The following IL6 variants were observed in gnomAD, a reference collection of about 807,000 sequenced individuals.
The protein encoded by IL6 is interleukin 6, also known as interleukin-6.
In IL6, 5 loss-of-function variants were observed where a neutral mutation model predicts 18.0. The observed-to-expected ratio is 0.28, with a 90% CI of 0.15 to 0.58. IL6 has a LOEUF of 0.58. Among genes scored for constraint, IL6 ranks in the 20% least tolerant of loss-of-function variants. The probability of loss-of-function intolerance (pLI) is 0.90; values close to 1 mark genes in which losing one functional copy is unlikely to be tolerated. For missense variants in IL6, 266 were observed against 251.0 expected (o/e 1.06, Z -0.40); for synonymous variants, 97 against 95.1 (o/e 1.02, Z -0.12).
In IL6 at chr7:22,729,600, G is replaced by C. The variant is rs764988588; in HGVS notation, c.411G>C (p.Glu137Asp). Residue 137 changes from glutamate to aspartate, a missense_variant, in exon 4 of 5, where the codon GAG becomes GAC. Glu to Asp is a conservative substitution (Grantham distance 45). Coordinates refer to ENST00000258743, the MANE Select transcript of IL6 (RefSeq NM_000600.5). ...EYLQNRFESS[E>D]EQARAVQMST... Reference sequence around the variant, plus strand: ...TCCAGAACAGATTTGAGAGTAGTGAGGAACAAGCCAGAGCTGTGCAGATGA... The same window carrying C: ...TCCAGAACAGATTTGAGAGTAGTGACGAACAAGCCAGAGCTGTGCAGATGA... 6.2e-7 allele frequency: 1 copy of C among 1,614,196 alleles called. No individual in the cohort carries two copies. Among genetic ancestry groups the C allele is most frequent in the Non-Finnish European group, 8.5e-7 (1 of 1,180,032 alleles).
At chr7:22,731,308 T>C in intron 4 of IL6, 98 bp from the exon 5 acceptor site, 1 of 945,860 alleles carries the variant, frequency 1.1e-6, no homozygotes, top group Non-Finnish European at 1.5e-6. Flanking sequence ...CACCCCACAT[T>C]TCACATTTGA....
Position 22,727,473 on chromosome 7 carries a change from G to A in IL6, c.49G>A (p.Gly17Arg). 1 of 1,614,030 alleles carries A rather than the reference G, an allele frequency of 6.2e-7. No homozygotes were observed. Among genetic ancestry groups the A allele is most frequent in the Non-Finnish European group, 8.5e-7 (1 of 1,179,940 alleles). ...CTTCGGTCCAGTTGCCTTCTCCCTG[G>A]GGCTGCTCCTGGTGTTGCCTGCTGC... is the stretch of plus-strand genomic sequence containing the variant. ...SAFGPVAFSLGLLLVLPAAFP... is the reference protein window; with the variant it reads ...SAFGPVAFSLRLLLVLPAAFP... The change falls in exon 2 of 5, where the codon GGG (glycine) becomes AGG (arginine). Residue 17 changes from glycine to arginine, a missense_variant. Coordinates refer to ENST00000258743, the MANE Select transcript of IL6 (RefSeq NM_000600.5).
At chr7:22,727,409 C>G (rs1416449097) in intron 1 of IL6, 35 bp from the exon 2 acceptor site, 20 of 1,613,300 alleles carry the variant, frequency 1.2e-5, no homozygotes, top group African/African-American at 2.7e-5. Flanking sequence ...GCTGTGCTGT[C>G]AGCTCACCCC....
At position 22,727,438 on chromosome 7, in the gene IL6, G is replaced by A. The variant is rs933482422; in HGVS notation, c.20-6G>A. The A allele has an allele frequency of 1.9e-6, 3 of 1,613,656 alleles. No homozygotes were observed. Among genetic ancestry groups the A allele is most frequent in the South Asian group, 1.1e-5 (1 of 91,066 alleles). On this transcript the variant is annotated splice_polypyrimidine_tract_variant and splice_region_variant and intron_variant, in intron 1 of 4. Transcript: ENST00000258743. Reference sequence around the variant, plus strand: ...TCACCCCTGCGCTCGCTCCCCTCCGGCACAGGCGCCTTCGGTCCAGTTGCC... The same window carrying A: ...TCACCCCTGCGCTCGCTCCCCTCCGACACAGGCGCCTTCGGTCCAGTTGCC...
chr7:22,727,433 C>T lies in IL6; in HGVS notation c.20-11C>T. On this transcript the variant is annotated splice_polypyrimidine_tract_variant and intron_variant, in intron 1 of 4. Coordinates refer to ENST00000258743, the MANE Select transcript of IL6 (RefSeq NM_000600.5). ...TCAGCTCACCCCTGCGCTCGCTCCC[C>T]TCCGGCACAGGCGCCTTCGGTCCAG... is the stretch of plus-strand genomic sequence containing the variant. The T allele has an allele frequency of 3.1e-6, 5 of 1,613,866 alleles. No homozygotes were observed. Among genetic ancestry groups the T allele is most frequent in the Non-Finnish European group, 3.4e-6 (4 of 1,179,844 alleles).
Position 22,727,494 on chromosome 7 carries a change from G to C in IL6, c.70G>C (p.Ala24Pro), listed in dbSNP as rs746848366. The change falls in exon 2 of 5, where the codon GCT (alanine) becomes CCT (proline). Residue 24 changes from alanine to proline, a missense_variant. By Grantham distance (27) the Ala-to-Pro change is conservative. Transcript: ENST00000258743. Reference protein sequence around the residue: ...FSLGLLLVLPAAFPAPVPPGE... With the variant: ...FSLGLLLVLPPAFPAPVPPGE... ...CCTGGGGCTGCTCCTGGTGTTGCCT[G>C]CTGCCTTCCCTGCCCCAGTACCCCC... is the stretch of plus-strand genomic sequence containing the variant. The C allele has an allele frequency of 1.2e-6, 2 of 1,614,080 alleles. No individual in the cohort carries two copies. Among genetic ancestry groups the C allele is most frequent in the Non-Finnish European group, 1.7e-6 (2 of 1,179,966 alleles).
intron 4 of IL6, 123 bp downstream of exon 4, chr7:22,729,783 C>CAA: frequency 6.4e-7 from 1 of 1,561,944 alleles, no homozygotes; most frequent in Non-Finnish European, 8.7e-7. Context: ...ACAAAAGAGT[C>CAA]TGAGAAATAG....
chr7:22,729,483 T>A, intron 3 of IL6, 31 bp from the exon 4 acceptor site: 5 of 1,601,256 alleles, frequency 3.1e-6, no homozygotes, highest in Middle Eastern at 1.9e-4. Context: ...CTCCTGGCGA[T>A]AACCAATTTT....
At position 22,727,602 on chromosome 7, in the gene IL6, A is replaced by T. The variant is rs1275239114; in HGVS notation, c.178A>T (p.Ile60Phe). 6.4e-7 allele frequency: 1 copy of T among 1,569,082 alleles called. No homozygotes were observed. Among genetic ancestry groups the T allele is most frequent in the African/African-American group, 1.4e-5 (1 of 73,494 alleles). The stretch of plus-strand genomic sequence containing the variant: ...ACGAATTGACAAACAAATTCGGTAC[A>T]TCCTCGACGGCATCTCAGCCCTGAG... ...SERIDKQIRY[I>F]LDGISALRKE... The change falls in exon 2 of 5, where the codon ATC (isoleucine) becomes TTC (phenylalanine). Residue 60 changes from isoleucine (I) to phenylalanine (F), a missense_variant. Transcript: ENST00000258743.
chr7:22,731,282 C>A, intron 4 of IL6, 124 bp from the exon 5 acceptor site: 1 of 681,694 alleles, frequency 1.5e-6, no homozygotes, highest in Non-Finnish European at 2.3e-6. Context: ...GAGCAGGCAC[C>A]CCAGTTAATC....
At chr7:22,727,318 C>T (rs879118485) in intron 1 of IL6, 37 bp downstream of exon 1, 4 of 1,613,986 alleles carry the variant, frequency 2.5e-6, no homozygotes. Context: ...GAACTGCCAG[C>T]GGCGGTCGAG....
chr7:22,731,321 A>G (rs1784119892), intron 4 of IL6, 85 bp from the exon 5 acceptor site: 4 of 1,086,872 alleles, frequency 3.7e-6, no homozygotes, highest in Non-Finnish European at 5.1e-6. Context: ...ACATTTGAAC[A>G]TCATCCCATA....
In IL6 at chr7:22,731,887, C is replaced by T. The variant is rs1341879150; in HGVS notation, c.*314C>T. The T allele has an allele frequency of 1.9e-5, 3 of 157,764 alleles. No homozygotes were observed. The highest frequency in any genetic ancestry group is 6.5e-5 in the Admixed American group (1 of 15,340). 9.8% of individuals were successfully genotyped at this position (157,764 alleles called of 1,614,324 possible). On this transcript the variant is annotated 3_prime_UTR_variant, in exon 5 of 5. Transcript: ENST00000258743. The stretch of plus-strand genomic sequence containing the variant: ...CAGATCATTTCTTGGAAAGTGTAGG[C>T]TTACCTCAAATAAATGGCTAACTTA...
Position 22,731,473 on chromosome 7 carries a change from A to G in IL6, c.539A>G (p.Gln180Arg). The change falls in exon 5 of 5, where the codon CAG (glutamine) becomes CGG (arginine). Residue 180 changes from glutamine (Q) to arginine (R), a missense_variant. Transcript: ENST00000258743. ...TTNASLLTKL[Q>R]AQNQWLQDMT... ...AATGCCAGCCTGCTGACGAAGCTGCAGGCACAGAACCAGTGGCTGCAGGAC... is the reference window on the plus strand; with the variant it reads ...AATGCCAGCCTGCTGACGAAGCTGCGGGCACAGAACCAGTGGCTGCAGGAC... 6.2e-7 allele frequency: 1 copy of G among 1,608,182 alleles called. No individual in the cohort carries two copies. The highest frequency in any genetic ancestry group is 8.5e-7 in the Non-Finnish European group (1 of 1,175,662).
chr7:22,728,561 C>T (rs894947216), intron 2 of IL6, 132 bp from the exon 3 acceptor site: 5 of 634,652 alleles, frequency 7.9e-6, no homozygotes, highest in South Asian at 1.9e-5. Context: ...ATTTGCTTGC[C>T]AGGATGCCAA....
chr7:22,731,939 T>C lies in IL6; in HGVS notation c.*366T>C, dbSNP rs1784132979. 6.6e-6 allele frequency: 1 copy of C among 150,926 alleles called. No homozygotes were observed. Among genetic ancestry groups the C allele is most frequent in the Non-Finnish European group, 1.5e-5 (1 of 67,802 alleles). The allele number at this position is 150,926 out of a possible 1,614,324, so 9.3% of individuals were successfully genotyped here. ...ACATATTTTTAAAGAAATATTTATA[T>C]TGTATTTATATAATGTATAAATGGT... On this transcript the variant is annotated 3_prime_UTR_variant, in exon 5 of 5. Coordinates refer to ENST00000258743, the MANE Select transcript of IL6 (RefSeq NM_000600.5).
In IL6 at chr7:22,728,730, A is replaced by G. The variant is rs934459268; in HGVS notation, c.248A>G (p.Glu83Gly). 5.6e-6 allele frequency: 9 copies of G among 1,612,698 alleles called. No individual in the cohort carries two copies. The African/African-American group carries it at 1.2e-4, about 22-fold the overall frequency. The change falls in exon 3 of 5, where the codon GAG becomes GGG. Residue 83 changes from glutamate to glycine, a missense_variant. By Grantham distance (98) the Glu-to-Gly change is moderately conservative. Coordinates refer to ENST00000258743, the MANE Select transcript of IL6 (RefSeq NM_000600.5). ...NKSNMCESSKEALAENNLNLP... is the reference protein window; with the variant it reads ...NKSNMCESSKGALAENNLNLP... ...AGTAACATGTGTGAAAGCAGCAAAG[A>G]GGCACTGGCAGAAAACAACCTGAAC...
intron 3 of IL6, among the ~76,000 whole-genome samples, 198 bp from the exon 4 acceptor site, chr7:22,729,316 A>T (rs772389161): frequency 5.9e-5 from 9 of 152,214 alleles, no homozygotes; most frequent in Non-Finnish European, 5.9e-5. Context: ...GCTTTGGATA[A>T]AACTAATTAC....
Position 22,728,879 on chromosome 7 carries a change from T to A in IL6, c.324+73T>A. 4 of 826,838 alleles carry A rather than the reference T, an allele frequency of 4.8e-6. No homozygotes were observed. In the South Asian group the frequency reaches 5.6e-5, roughly 11 times the overall value. 51.2% of individuals were successfully genotyped at this position (826,838 alleles called of 1,614,324 possible). On this transcript the variant is annotated intron_variant, in intron 3 of 4. Transcript: ENST00000258743. The stretch of plus-strand genomic sequence containing the variant: ...CTCCCTCTTGCATGCAGTGCCTGTA[T>A]ACATATAGATCCAGGCAGCAACAAA...
Sources: allele counts gnomAD v4.1 joint callset (sites outside exome capture counted in the v4.1 genomes callset), GRCh38; gene constraint gnomAD v4.1.1; transcripts MANE v1.5; gene names NCBI Gene and HGNC (gene_info 2026-07-23, HGNC 2026-07-21).